NOCT: variants seen among roughly 807,000 people sequenced by gnomAD.
NOCT encodes the protein CCR4 carbon catabolite repression 4-like.
NOCT carries 18 observed loss-of-function variants against 35.0 expected under a neutral mutation model. The observed-to-expected ratio is 0.51, with a 90% CI of 0.36 to 0.76. NOCT has a LOEUF of 0.76. Ranked by LOEUF, NOCT falls within the 30% of genes least tolerant of loss-of-function variation. The pLI is 0.01. For synonymous variants in NOCT, 235 were observed against 226.3 expected, an observed-to-expected ratio of 1.04 and a Z score of -0.34; for missense variants, 479 against 541.0, an observed-to-expected ratio of 0.89 and a Z score of 1.14.
chr4:139,016,566 T>C (rs115270452), intron 1 of NOCT, among the ~76,000 whole-genome samples: 311 of 151,994 alleles, frequency 2.0e-3, no homozygotes, highest in Non-Finnish European at 3.9e-3. Flanking sequence ...CTTATTTGCT[T>C]ATATAGCTTT....
chr4:139,027,463 A>G (rs1182494882), intron 1 of NOCT, among the ~76,000 whole-genome samples: 1 of 151,870 alleles, frequency 6.6e-6, no homozygotes, highest in Non-Finnish European at 1.5e-5. Flanking sequence ...CTGCTGTTGT[A>G]GTGTGAAAGC....
At chr4:139,026,677 A>G (rs550212306) in intron 1 of NOCT, among the ~76,000 whole-genome samples, 17 of 151,756 alleles carry the variant, frequency 1.1e-4, no homozygotes, top group Non-Finnish European at 1.3e-4. Flanking sequence ...CAGCCTCCCA[A>G]GTATCTGGGA....
chr4:139,036,152 C>G (rs565729323), intron 1 of NOCT, among the ~76,000 whole-genome samples: 1 of 152,142 alleles, frequency 6.6e-6, no homozygotes, highest in Non-Finnish European at 1.5e-5. Context: ...CTAGAAAGAA[C>G]AGAAGCTCCA....
At chr4:139,039,619 C>T (rs1726798431) in intron 1 of NOCT, among the ~76,000 whole-genome samples, 1 of 151,398 alleles carries the variant, frequency 6.6e-6, no homozygotes, top group Non-Finnish European at 1.5e-5. Flanking sequence ...TTAGGTTTGA[C>T]TCTGATCTTT....
rs754672120 is a variant in NOCT, at chr4:139,045,351, T to C, written c.1173T>C (p.Ala391=). 1 of 1,613,994 alleles carries C rather than the reference T, an allele frequency of 6.2e-7. No homozygotes were observed. The highest frequency in any genetic ancestry group is 8.5e-7 in the Non-Finnish European group (1 of 1,179,952). The part of the protein sequence containing the change: ...YSKHALNVRS[A]LDLLTEEQIG... ...AACATGCTCTAAATGTAAGGTCAGCTCTCGATCTGCTCACTGAAGAACAGA... is the reference window on the plus strand; with the variant it reads ...AACATGCTCTAAATGTAAGGTCAGCCCTCGATCTGCTCACTGAAGAACAGA... The change falls in exon 3 of 3, where the codon GCT becomes GCC. Residue 391 remains alanine, a synonymous_variant. Transcript: ENST00000280614.
intron 1 of NOCT, among the ~76,000 whole-genome samples, chr4:139,020,812 TC>T (rs1560728732): frequency 6.6e-6 from 1 of 152,012 alleles, no homozygotes; most frequent in Non-Finnish European, 1.5e-5. Context: ...ACGCCTGTAA[TC>T]CCAGCACTTT....
At chr4:139,018,085 TC>T (rs1726345071) in intron 1 of NOCT, among the ~76,000 whole-genome samples, 2 of 151,190 alleles carry the variant, frequency 1.3e-5, no homozygotes, top group Non-Finnish European at 2.9e-5. Context: ...ACAGTTAGAT[TC>T]CCCACCCCCA....
At chr4:139,017,614 G>C (rs1726338253) in intron 1 of NOCT, among the ~76,000 whole-genome samples, 1 of 150,634 alleles carries the variant, frequency 6.6e-6, no homozygotes, top group East Asian at 2.1e-4. Flanking sequence ...TAGATCACCC[G>C]AGGTCAGGAG....
intron 1 of NOCT, among the ~76,000 whole-genome samples, chr4:139,027,330 A>G (rs1726540340): frequency 6.6e-6 from 1 of 151,942 alleles, no homozygotes; most frequent in African/African-American, 2.4e-5. Flanking sequence ...GCATGCCACC[A>G]TGCCTGGCTA....
At position 139,045,409 on chromosome 4, in the gene NOCT, C is replaced by A; in HGVS notation, c.1231C>A (p.Pro411Thr). The A allele has an allele frequency of 6.2e-7, 1 of 1,613,760 alleles. No homozygotes were observed. Among genetic ancestry groups the A allele is most frequent in the Non-Finnish European group, 8.5e-7 (1 of 1,179,844 alleles). The change falls in exon 3 of 3, where the codon CCT (proline) becomes ACT (threonine). Residue 411 changes from proline (P) to threonine (T), a missense_variant. Around this residue, in one of 2 missense-constraint regions of NOCT, gnomAD observed 214 missense variants for 284.0 expected, o/e 0.75. Transcript: ENST00000280614. ...CAACAGGTTACCTTCCTTCAATTAT[C>A]CTTCAGACCACCTGTCTCTAGTGTG... ...GPNRLPSFNY[P>T]SDHLSLVCDF...
chr4:139,029,001 G>C (rs1364964187), intron 1 of NOCT, among the ~76,000 whole-genome samples: 1 of 149,982 alleles, frequency 6.7e-6, no homozygotes, highest in East Asian at 1.9e-4. Flanking sequence ...ACCACATCCA[G>C]CTAATTTTTG....
chr4:139,016,437 A>T (rs1446950650), intron 1 of NOCT, among the ~76,000 whole-genome samples: 1 of 151,850 alleles, frequency 6.6e-6, no homozygotes, highest in African/African-American at 2.4e-5. Context: ...ATGCTTTCAG[A>T]ATTTCTTGTT....
Position 139,045,556 on chromosome 4 carries a change from GC to G in NOCT, c.*84del. ...TTTTGAGACAGAGTCTCGCTCTGTT[GC>G]CTAGGCTGGAGTACAGTGGCCTGAT... On this transcript the variant is annotated 3_prime_UTR_variant, in exon 3 of 3. Coordinates refer to ENST00000280614, the MANE Select transcript of NOCT (RefSeq NM_012118.4). The G allele has an allele frequency of 1.3e-6, 1 of 743,802 alleles. No homozygotes were observed. The highest frequency in any genetic ancestry group is 2.0e-6 in the Non-Finnish European group (1 of 502,828). The allele number at this position is 743,802 out of a possible 1,614,324, so 46.1% of individuals were successfully genotyped here.
At chr4:139,041,599 TA>T (rs1316140384) in intron 1 of NOCT, among the ~76,000 whole-genome samples, 17 of 152,206 alleles carry the variant, frequency 1.1e-4, no homozygotes, top group Admixed American at 7.9e-4. Flanking sequence ...CTGTTCTCCT[TA>T]ATGAATTATA....
chr4:139,043,578 A>G (rs1726878105), intron 2 of NOCT: 1 of 477,428 alleles, frequency 2.1e-6, no homozygotes, highest in African/African-American at 1.9e-5. Context: ...ATAGTCTACA[A>G]ACATGGAAGG....
intron 1 of NOCT, among the ~76,000 whole-genome samples, chr4:139,023,490 A>G (rs920284515): frequency 2.9e-4 from 44 of 151,994 alleles, no homozygotes; most frequent in African/African-American, 9.9e-4. Flanking sequence ...TAGTTCTAGA[A>G]TTAGTTTAAT....
Position 139,026,308 on chromosome 4 carries a change from T to C in NOCT, c.190+10137T>C, listed in dbSNP as rs1005975227. 4.6e-5 allele frequency among the ~76,000 whole-genome samples: 7 copies of C among 151,668 alleles called. No homozygotes were observed. The Admixed American group carries it at 4.6e-4, about 10-fold the overall frequency. On this transcript the variant is annotated intron_variant, in intron 1 of 2. Transcript: ENST00000280614. The stretch of plus-strand genomic sequence containing the variant: ...TAGAGACGGGGTTTCACCATGTTAG[T>C]CAGGCTGGTCTCGAACTCCTGACCT...
chr4:139,025,661 C>A (rs567656036), intron 1 of NOCT, among the ~76,000 whole-genome samples: 1 of 152,026 alleles, frequency 6.6e-6, no homozygotes, highest in East Asian at 1.9e-4. Context: ...ATTAGCCATG[C>A]GTGGTGGCGG....
rs73852756 is a variant in NOCT at position 139,035,536 on chromosome 4, C to T, written c.191-7538C>T. ...TTGATTGAGAATCCAACCACTTTCA[C>T]TGCTGCCCCCCAGTTCACCCCTGCT... On this transcript the variant is annotated intron_variant, in intron 1 of 2. Coordinates refer to ENST00000280614, the MANE Select transcript of NOCT (RefSeq NM_012118.4). Among the ~76,000 whole-genome samples, 811 of 152,332 alleles carry T rather than the reference C, an allele frequency of 5.3e-3. 10 individuals are homozygous for T. Among genetic ancestry groups the T allele is most frequent in the African/African-American group, 0.017 (716 of 41,582 alleles).
Sources: gnomAD v4.1 joint callset for allele counts (sites outside exome capture counted in the v4.1 genomes callset) on GRCh38, gnomAD v4.1.1 for gene constraint, gnomAD v4.1.1 regional missense constraint, MANE v1.5 for transcripts, NCBI Gene and HGNC (gene_info 2026-07-23, HGNC 2026-07-21) for gene names.